The following ATP11C variants were observed in gnomAD, a reference collection of about 807,000 sequenced individuals.
ATP11C encodes phospholipid-transporting ATPase IG.
A neutral mutation model predicts 97.4 loss-of-function variants in ATP11C; 36 were observed. The ratio of observed to expected loss-of-function variants is 0.37; its 90% CI spans 0.28 to 0.49. The LOEUF (loss-of-function observed/expected upper bound fraction) is 0.49, where lower values mean the gene tolerates loss of function less well. ATP11C is among the 20% of genes least tolerant of loss of function. ATP11C has a pLI of 0.98. For missense variants in ATP11C, 730 were observed against 824.6 expected (o/e 0.89, Z 1.40); for synonymous variants, 275 against 290.9 (o/e 0.95, Z 0.56).
At chrX:139,883,964 T>G (rs1032344268) in intron 1 of ATP11C, among the ~76,000 whole-genome samples, 1 of 111,979 alleles carries the variant, frequency 8.9e-6, no homozygotes, top group Non-Finnish European at 1.9e-5. Flanking sequence ...ACTTAAAGAC[T>G]TCATGGCTAG....
chrX:139,835,129 G>GT (rs914146044), intron 1 of ATP11C, among the ~76,000 whole-genome samples: 1 of 111,987 alleles, frequency 8.9e-6, no homozygotes, highest in Admixed American at 9.4e-5. Context: ...AGCACTCAAG[G>GT]TTATGAGGTG....
At chrX:139,744,170 T>C (rs2081630496) in intron 25 of ATP11C, among the ~76,000 whole-genome samples, 1 of 110,710 alleles carries the variant, frequency 9.0e-6, no homozygotes, top group South Asian at 3.8e-4. Context: ...GAATGGCACA[T>C]ATGCTTACCA....
chrX:139,759,721 A>G (rs2082001953), intron 22 of ATP11C, among the ~76,000 whole-genome samples: 1 of 112,042 alleles, frequency 8.9e-6, no homozygotes, highest in South Asian at 3.7e-4. Flanking sequence ...AAAGATAGTA[A>G]TAAAAAAGAA....
intron 1 of ATP11C, among the ~76,000 whole-genome samples, chrX:139,861,346 G>A (rs2084192263): frequency 8.9e-6 from 1 of 111,966 alleles, no homozygotes; most frequent in African/African-American, 3.3e-5. Flanking sequence ...TCAGGTTCAG[G>A]AGATACAAAT....
At chrX:139,923,485 C>T (rs2085299730) in intron 1 of ATP11C, among the ~76,000 whole-genome samples, 1 of 111,927 alleles carries the variant, frequency 8.9e-6, no homozygotes, top group Non-Finnish European at 1.9e-5. Flanking sequence ...CAGGGCTGTA[C>T]CTTACACACC....
intron 1 of ATP11C, among the ~76,000 whole-genome samples, chrX:139,842,433 T>C (rs767474968): frequency 1.8e-4 from 20 of 112,515 alleles, no homozygotes; most frequent in African/African-American, 6.5e-4. Flanking sequence ...GGGTAGTAGG[T>C]ACAGGCTGAG....
intron 5 of ATP11C, among the ~76,000 whole-genome samples, chrX:139,812,547 G>GTTT (rs368917710): frequency 2.0e-5 from 2 of 98,802 alleles, no homozygotes; most frequent in African/African-American, 7.4e-5. Context: ...ACTGTTGTTG[G>GTTT]TTTTTTTTTT....
intron 12 of ATP11C, among the ~76,000 whole-genome samples, chrX:139,791,590 C>T (rs920387606): frequency 1.3e-3 from 143 of 111,636 alleles, no homozygotes; most frequent in African/African-American, 4.2e-3. Flanking sequence ...CTGAATCAGT[C>T]GGTCAGAGGT....
At chrX:139,845,605 A>G (rs1407439446) in intron 1 of ATP11C, among the ~76,000 whole-genome samples, 1 of 111,774 alleles carries the variant, frequency 8.9e-6, no homozygotes, top group Non-Finnish European at 1.9e-5. Flanking sequence ...TTGAACAATT[A>G]AGTTTACATC....
Position 139,932,081 on chromosome X carries a change from G to T in ATP11C, c.-39C>A. ...GCCGGGCGCTGAGCTGGGCTCTACC[G>T]GGCTGTCTGGGAAGGCGCCGTCCAC... is the stretch of plus-strand genomic sequence containing the variant. On this transcript the variant is annotated 5_prime_UTR_variant, in exon 1 of 30. Transcript: ENST00000682941. 8.8e-7 allele frequency: 1 copy of T among 1,133,601 alleles called. No homozygotes were observed. Among genetic ancestry groups the T allele is most frequent in the East Asian group, 3.4e-5 (1 of 29,106 alleles). The allele number at this position is 1,133,601 out of a possible 1,213,427, so 93.4% of individuals were successfully genotyped here.
intron 18 of ATP11C, 114 bp from the exon 19 acceptor site, chrX:139,775,067 C>T: frequency 2.6e-6 from 2 of 759,463 alleles, no homozygotes; most frequent in Non-Finnish European, 3.6e-6. Context: ...AGTCCTGACA[C>T]CTTATCACGG....
rs767139040 is a variant in ATP11C, at chrX:139,746,565, A to C, written c.2829-708T>G. ...CAAGAACAATTACAATATTTATTTT[A>C]ATCAAGATTTACTCCTGGAAATTTC... On this transcript the variant is annotated intron_variant, in intron 24 of 29. Transcript: ENST00000682941. 2.7e-5 allele frequency among the ~76,000 whole-genome samples: 3 copies of C among 112,196 alleles called. No individual in the cohort carries two copies. In the South Asian group the frequency reaches 1.1e-3, roughly 42 times the overall value.
intron 28 of ATP11C, chrX:139,732,345 T>C: frequency 1.2e-5 from 3 of 244,957 alleles, no homozygotes; most frequent in South Asian, 9.4e-5. Flanking sequence ...ATAAAATGAG[T>C]CATGAGAAGT....
At chrX:139,818,505 C>T (rs2083335723) in intron 3 of ATP11C, among the ~76,000 whole-genome samples, 1 of 111,825 alleles carries the variant, frequency 8.9e-6, no homozygotes, top group Non-Finnish European at 1.9e-5. Context: ...AGACATCTGA[C>T]CATAGATCCA....
chrX:139,748,908 A>C (rs1049492175), intron 24 of ATP11C, among the ~76,000 whole-genome samples: 1 of 112,177 alleles, frequency 8.9e-6, no homozygotes, highest in East Asian at 2.8e-4. Context: ...AAATGAGTCA[A>C]CTGGAGAAAT....
Position 139,861,069 on chromosome X carries a change from A to G in ATP11C, c.28-34246T>C, listed in dbSNP as rs1189578616. On this transcript the variant is annotated intron_variant, in intron 1 of 29. Transcript: ENST00000682941. Reference sequence around the variant, plus strand: ...ACCAGAGAGGAAGAAGTAGGAGAGGAGAAATACATCTAATGAGACACAGAA... The same window carrying G: ...ACCAGAGAGGAAGAAGTAGGAGAGGGGAAATACATCTAATGAGACACAGAA... 1.6e-4 allele frequency among the ~76,000 whole-genome samples: 18 copies of G among 112,057 alleles called. 1 individual carries two copies. In the Admixed American group the frequency reaches 1.7e-3, roughly 11 times the overall value.
At chrX:139,921,965 G>A (rs2085265344) in intron 1 of ATP11C, among the ~76,000 whole-genome samples, 1 of 109,452 alleles carries the variant, frequency 9.1e-6, no homozygotes, top group Non-Finnish European at 1.9e-5. Flanking sequence ...AGCACTTTGG[G>A]AGGCTGAGTC....
chrX:139,839,886 C>A (rs2083802270), intron 1 of ATP11C, among the ~76,000 whole-genome samples: 1 of 111,012 alleles, frequency 9.0e-6, no homozygotes, highest in Non-Finnish European at 1.9e-5. Flanking sequence ...CCAGGTAAGC[C>A]GGAGGACCCT....
At position 139,737,859 on chromosome X, in the gene ATP11C, T is replaced by A. The variant is rs1443967730; in HGVS notation, c.3288+57A>T. 3.6e-6 allele frequency: 4 copies of A among 1,118,713 alleles called. No homozygotes were observed. The African/African-American group carries it at 7.3e-5, about 20-fold the overall frequency. 92.2% of individuals were successfully genotyped at this position (1,118,713 alleles called of 1,213,427 possible). A position where few individuals can be genotyped will look rare whatever the true frequency, so the allele number is the denominator to read the frequency against. ...TTTTCTAAATCAGGTTTTTAGCTCA[T>A]GGCAGATATTGAGGCCCCTTCCAAA... On this transcript the variant is annotated intron_variant, in intron 28 of 29. Coordinates refer to ENST00000682941, the MANE Select transcript of ATP11C (RefSeq NM_001353812.2).
Sources: allele counts gnomAD v4.1 joint callset (sites outside exome capture counted in the v4.1 genomes callset), GRCh38; gene constraint gnomAD v4.1.1; transcripts MANE v1.5; gene names NCBI Gene and HGNC (gene_info 2026-07-23, HGNC 2026-07-21).